OR14A16: variants seen among roughly 807,000 people sequenced by gnomAD.
The protein encoded by OR14A16 is olfactory receptor family 14 subfamily A member 16, also known as olfactory receptor 14A16.
For missense variants in OR14A16, 341 were observed against 366.5 expected (o/e 0.93, Z 0.57); for synonymous variants, 135 against 137.6 (o/e 0.98, Z 0.13).
chr1:247,823,064 T>C (rs1222222113), intron 1 of OR14A16, among the ~76,000 whole-genome samples: 1 of 152,220 alleles, frequency 6.6e-6, no homozygotes, highest in Non-Finnish European at 1.5e-5. Context: ...CTACCCTTTG[T>C]GGGGTGCCTG....
At chr1:247,822,690 A>G (rs2103287963) in intron 1 of OR14A16, among the ~76,000 whole-genome samples, 1 of 152,294 alleles carries the variant, frequency 6.6e-6, no homozygotes, top group East Asian at 1.9e-4. Flanking sequence ...CTTATCTGAA[A>G]ACTCTAATAT....
chr1:247,814,706 A>G lies in OR14A16; in HGVS notation c.*94T>C. ...TAATTGCTTTCATTTGTCTTTTTAA[A>G]TTTTTACTTTTAAGAATTAGAGATA... On this transcript the variant is annotated 3_prime_UTR_variant, in exon 3 of 3. Transcript: ENST00000641093. 1 of 618,806 alleles carries G rather than the reference A, an allele frequency of 1.6e-6. No individual in the cohort carries two copies. Among genetic ancestry groups the G allele is most frequent in the Non-Finnish European group, 2.4e-6 (1 of 409,614 alleles). 38.3% of individuals were successfully genotyped at this position (618,806 alleles called of 1,614,324 possible).
chr1:247,823,628 A>G (rs1293566208), intron 1 of OR14A16, among the ~76,000 whole-genome samples: 3 of 152,210 alleles, frequency 2.0e-5, no homozygotes, highest in Non-Finnish European at 4.4e-5. Flanking sequence ...ATAATATGGG[A>G]AAAAATGTTT....
intron 2 of OR14A16, among the ~76,000 whole-genome samples, chr1:247,816,548 G>A (rs918253829): frequency 1.3e-5 from 2 of 152,084 alleles, no homozygotes; most frequent in African/African-American, 4.8e-5. Context: ...ACAACATGGC[G>A]AGACCCCATC....
intron 1 of OR14A16, among the ~76,000 whole-genome samples, chr1:247,821,526 A>G (rs1662740112): frequency 6.6e-6 from 1 of 152,050 alleles, no homozygotes. Context: ...TTCTTTGTCT[A>G]TTTTTACAGT....
chr1:247,817,519 A>T (rs1438937266), intron 2 of OR14A16, among the ~76,000 whole-genome samples: 1 of 152,190 alleles, frequency 6.6e-6, no homozygotes, highest in Non-Finnish European at 1.5e-5. Flanking sequence ...TGGTTGAGTA[A>T]AAAAGCATAT....
Position 247,815,252 on chromosome 1 carries a change from C to CA in OR14A16, c.477dup (p.Gly160TrpfsTer19). The CA allele has an allele frequency of 6.2e-7, 1 of 1,613,032 alleles. No homozygotes were observed. The highest frequency in any genetic ancestry group is 8.5e-7 in the Non-Finnish European group (1 of 1,178,990). On this transcript the variant is annotated frameshift_variant, in exon 3 of 3. Coordinates refer to ENST00000641093, the MANE Select transcript of OR14A16 (RefSeq NM_001001966.2). LOFTEE classifies it low-confidence loss of function (END_TRUNC). Reference sequence around the variant, plus strand: ...CCACAGTAGGATAAGGAGAAGGTGCCAGCTGTGTGCATCACAGCAATCAGA... The same window carrying CA: ...CCACAGTAGGATAAGGAGAAGGTGCCAAGCTGTGTGCATCACAGCAATCAGA...
chr1:247,819,974 G>A (rs149354662), intron 1 of OR14A16, among the ~76,000 whole-genome samples: 134 of 152,278 alleles, frequency 8.8e-4, no homozygotes, highest in African/African-American at 3.1e-3. Flanking sequence ...AGAATCTATT[G>A]AAATATTCTA....
At chr1:247,820,698 ACC>A (rs746076766) in intron 1 of OR14A16, among the ~76,000 whole-genome samples, 95,603 of 150,076 alleles carry the variant, frequency 0.64, 33,652 homozygotes, top group East Asian at 0.99. Flanking sequence ...ACAAAAAAAA[ACC>A]CCAAAAACAA....
intron 2 of OR14A16, among the ~76,000 whole-genome samples, chr1:247,816,776 T>A (rs1446043810): frequency 6.6e-6 from 1 of 152,178 alleles, no homozygotes; most frequent in Non-Finnish European, 1.5e-5. Flanking sequence ...ATTAACTGAA[T>A]TACTCACTTT....
rs146819402 is a variant in OR14A16 at position 247,815,506 on chromosome 1, G to C, written c.224C>G (p.Thr75Arg). ...SFLDLCLISV[T>R]APKSIANSLI... ...AGAATTGGCGATAGATTTGGGAGCC[G>C]TGACTGAAATAAGGCAGAGATCCAA... Residue 75 changes from threonine (T) to arginine (R), a missense_variant, in exon 3 of 3, where the codon ACG (threonine) becomes AGG (arginine). Thr to Arg is a moderately conservative substitution (Grantham distance 71, BLOSUM62 -1). Coordinates refer to ENST00000641093, the MANE Select transcript of OR14A16 (RefSeq NM_001001966.2). 6.2e-7 allele frequency: 1 copy of C among 1,613,806 alleles called. No homozygotes were observed. The highest frequency in any genetic ancestry group is 2.2e-5 in the East Asian group (1 of 44,882).
intron 1 of OR14A16, among the ~76,000 whole-genome samples, chr1:247,822,183 G>A (rs1326038038): frequency 1.3e-5 from 2 of 151,954 alleles, no homozygotes; most frequent in African/African-American, 4.8e-5. Context: ...AGGCTTAGGT[G>A]GCTGGTGAAG....
intron 2 of OR14A16, among the ~76,000 whole-genome samples, chr1:247,817,650 A>G (rs1006044806): frequency 6.6e-6 from 1 of 152,180 alleles, no homozygotes; most frequent in African/African-American, 2.4e-5. Flanking sequence ...AGCTTTCTTC[A>G]TAATCGTTTA....
In OR14A16 at chr1:247,815,187, C is replaced by T. The variant is rs1417547720; in HGVS notation, c.543G>A (p.Gln181=). 6.2e-7 allele frequency: 1 copy of T among 1,613,760 alleles called. No individual in the cohort carries two copies. Among genetic ancestry groups the T allele is most frequent in the Non-Finnish European group, 8.5e-7 (1 of 1,179,840 alleles). The stretch of plus-strand genomic sequence containing the variant: ...TTTCTGAGCAAGAAATAGCTAATAA[C>T]TGGGGAATGTCACAGAAGAACTGAT... The part of the protein sequence containing the change: ...MVHQFFCDIP[Q]LLAISCSENL... Residue 181 remains glutamine (Q), a synonymous_variant, in exon 3 of 3, where the codon CAG becomes CAA. Coordinates refer to ENST00000641093, the MANE Select transcript of OR14A16 (RefSeq NM_001001966.2).
At chr1:247,819,387 G>A (rs1489014486) in intron 1 of OR14A16, among the ~76,000 whole-genome samples, 1 of 66,620 alleles carries the variant, frequency 1.5e-5, no homozygotes, top group Non-Finnish European at 4.0e-5. Flanking sequence ...ACAGCCCCAG[G>A]GGAGCAGATT....
At chr1:247,823,761 C>A (rs1480017723) in intron 1 of OR14A16, among the ~76,000 whole-genome samples, 192 bp downstream of exon 1, 1 of 151,988 alleles carries the variant, frequency 6.6e-6, no homozygotes, top group Non-Finnish European at 1.5e-5. Context: ...TTGGAAGCAT[C>A]CAGAATTGGA....
chr1:247,819,627 A>G (rs1277768701), intron 1 of OR14A16, among the ~76,000 whole-genome samples: 1 of 152,084 alleles, frequency 6.6e-6, no homozygotes, highest in African/African-American at 2.4e-5. Context: ...AGATAGTGAA[A>G]TAATAATACA....
chr1:247,814,870 T>G lies in OR14A16; in HGVS notation c.860A>C (p.Tyr287Ser). 6.2e-7 allele frequency: 1 copy of G among 1,613,584 alleles called. No individual in the cohort carries two copies. Among genetic ancestry groups the G allele is most frequent in the Non-Finnish European group, 8.5e-7 (1 of 1,179,862 alleles). The change falls in exon 3 of 3, where the codon TAC becomes TCC. Residue 287 changes from tyrosine (Y) to serine (S), a missense_variant. Transcript: ENST00000641093. The stretch of plus-strand genomic sequence containing the variant: ...CTTTATGGCCTTGTTTCTCAAACTG[T>G]ATATAATGGGATTAAAGGTTGGGGG... ...MLPPTFNPII[Y>S]SLRNKAIKVA...
intron 1 of OR14A16, among the ~76,000 whole-genome samples, chr1:247,820,569 G>A (rs572223697): frequency 7.9e-5 from 12 of 151,822 alleles, no homozygotes; most frequent in Middle Eastern, 3.4e-3. Context: ...TCTTGGGCCC[G>A]GCACGGTCGT....
Sources: allele counts gnomAD v4.1 joint callset (sites outside exome capture counted in the v4.1 genomes callset), GRCh38; gene constraint gnomAD v4.1.1; transcripts MANE v1.5; gene names NCBI Gene and HGNC (gene_info 2026-07-23, HGNC 2026-07-21).